The following AGMO variants were observed in gnomAD, a reference collection of about 807,000 sequenced individuals.
The protein encoded by AGMO is alkylglycerol monooxygenase.
In AGMO, 75 loss-of-function variants were observed where a neutral mutation model predicts 60.2. That is an observed-to-expected ratio of 1.25 (90% CI 1.03 to 1.51). The LOEUF (loss-of-function observed/expected upper bound fraction) is 1.51. Among genes scored for constraint, AGMO ranks in the 40% most tolerant of loss-of-function variants. The pLI is 0.00. For synonymous variants in AGMO, 261 were observed against 177.1 expected (o/e 1.47, Z -3.76); for missense variants, 763 against 525.5 (o/e 1.45, Z -4.42).
chr7:15,317,940 TACAC>T (rs112894307), intron 12 of AGMO, among the ~76,000 whole-genome samples: 14 of 140,484 alleles, frequency 1.0e-4, no homozygotes, highest in Admixed American at 4.3e-4. Context: ...TATATATATA[TACAC>T]ACACACACAC....
chr7:15,244,740 C>G (rs1583322691), intron 12 of AGMO, among the ~76,000 whole-genome samples: 1 of 152,118 alleles, frequency 6.6e-6, no homozygotes, highest in Non-Finnish European at 1.5e-5. Flanking sequence ...CAAGCTCCAC[C>G]TCCCGGGTTC....
At chr7:15,164,960 C>T in the AGMO span, among the ~76,000 whole-genome samples, 1 of 152,028 alleles carries the variant, frequency 6.6e-6, no homozygotes, top group Non-Finnish European at 1.5e-5. Flanking sequence ...GCACTATTCA[C>T]AATAGCAAAG....
At chr7:15,146,178 T>C in the AGMO span, among the ~76,000 whole-genome samples, 1 of 152,178 alleles carries the variant, frequency 6.6e-6, no homozygotes, top group South Asian at 2.1e-4. Context: ...ATTTGAAATA[T>C]AACCATTTAA....
At chr7:15,232,828 A>ACAC (rs1385058870) in intron 12 of AGMO, among the ~76,000 whole-genome samples, 7 of 93,808 alleles carry the variant, frequency 7.5e-5, no homozygotes, top group African/African-American at 2.3e-4. Context: ...CACACACACA[A>ACAC]AAACTAAAGA....
chr7:15,344,321 C>T (rs549721483), intron 12 of AGMO, among the ~76,000 whole-genome samples: 7 of 152,266 alleles, frequency 4.6e-5, no homozygotes, highest in South Asian at 2.1e-4. Context: ...GAGGTGCCAA[C>T]GCAGCTTATT....
rs1784349081 is a variant in AGMO at position 15,531,465 on chromosome 7, CTATATATATTCTCTATATATAT to C, written c.409+13285_409+13306del. Among the ~76,000 whole-genome samples the C allele has an allele frequency of 6.9e-4, 35 of 50,882 alleles. 9 individuals carry two copies. The highest frequency in any genetic ancestry group is 2.4e-3 in the South Asian group (4 of 1,658). The allele number at this position is 50,882 out of a possible 152,430, so 33.4% of individuals were successfully genotyped here. A position where few individuals can be genotyped will look rare whatever the true frequency, so the allele number is the denominator to read the frequency against. On this transcript the variant is annotated intron_variant, in intron 3 of 12. Transcript: ENST00000342526. ...TCTATATATATTCTCTATATATATT[CTATATATATTCTCTATATATAT>C]TCTATATATATTCTATATATATTCT...
In AGMO at chr7:15,244,248, A is replaced by C. The variant is rs530596799; in HGVS notation, c.1264-42889T>G. On this transcript the variant is annotated intron_variant, in intron 12 of 12. Coordinates refer to ENST00000342526, the MANE Select transcript of AGMO (RefSeq NM_001004320.2). ...ATTCTCAATGTGTCTACCTTTGTCCACTTGATTTTTAGAACCAGGTGATGA... is the reference window on the plus strand; with the variant it reads ...ATTCTCAATGTGTCTACCTTTGTCCCCTTGATTTTTAGAACCAGGTGATGA... Among the ~76,000 whole-genome samples the C allele has an allele frequency of 3.4e-4, 52 of 152,310 alleles. 2 individuals carry two copies. The highest frequency in any genetic ancestry group is 1.1e-3 in the African/African-American group (47 of 41,552).
chr7:15,155,215 C>A, the AGMO span, among the ~76,000 whole-genome samples: 1 of 152,054 alleles, frequency 6.6e-6, no homozygotes, highest in African/African-American at 2.4e-5. Flanking sequence ...ACTCTCTCTC[C>A]ATGTCTTTCA....
chr7:15,349,128 T>C (rs1038815093), intron 12 of AGMO, among the ~76,000 whole-genome samples: 14 of 152,128 alleles, frequency 9.2e-5, no homozygotes, highest in African/African-American at 3.1e-4. Context: ...TGGACAATAA[T>C]CATCTTGCTA....
At chr7:15,463,742 T>C (rs1192905677) in intron 3 of AGMO, among the ~76,000 whole-genome samples, 1 of 152,116 alleles carries the variant, frequency 6.6e-6, no homozygotes, top group Non-Finnish European at 1.5e-5. Context: ...GTAGCAAAAT[T>C]TGAGTTGAGC....
At chr7:15,427,767 G>A (rs1343031407) in intron 4 of AGMO, among the ~76,000 whole-genome samples, 1 of 152,012 alleles carries the variant, frequency 6.6e-6, no homozygotes, top group Non-Finnish European at 1.5e-5. Context: ...GATTGAAGTG[G>A]CATGCAAAAC....
At chr7:15,153,481 G>T in the AGMO span, among the ~76,000 whole-genome samples, 1 of 152,108 alleles carries the variant, frequency 6.6e-6, no homozygotes, top group Admixed American at 6.5e-5. Flanking sequence ...TGGGGTCTTA[G>T]ATTGAAGTCT....
At chr7:15,477,589 C>T (rs185570456) in intron 3 of AGMO, among the ~76,000 whole-genome samples, 3 of 152,232 alleles carry the variant, frequency 2.0e-5, no homozygotes, top group African/African-American at 7.2e-5. Context: ...CCAAATATTT[C>T]TGTGCAGCTT....
chr7:15,554,423 A>T (rs1347672144), intron 2 of AGMO, among the ~76,000 whole-genome samples: 1 of 152,072 alleles, frequency 6.6e-6, no homozygotes, highest in Non-Finnish European at 1.5e-5. Flanking sequence ...TAAGACCAGG[A>T]AAGTGATCTA....
intron 12 of AGMO, among the ~76,000 whole-genome samples, chr7:15,232,826 C>CACAA (rs930600939): frequency 4.0e-5 from 6 of 148,180 alleles, no homozygotes; most frequent in African/African-American, 1.5e-4. Flanking sequence ...CACACACACA[C>CACAA]AAAAACTAAA....
At chr7:15,508,325 A>G (rs1992025) in intron 3 of AGMO, among the ~76,000 whole-genome samples, 2 of 151,932 alleles carry the variant, frequency 1.3e-5, no homozygotes, top group Non-Finnish European at 2.9e-5. Context: ...AGTAAAAACA[A>G]TAACTTACAT....
At position 15,282,774 on chromosome 7, in the gene AGMO, C is replaced by T. The variant is rs188764821; in HGVS notation, c.1264-81415G>A. Among the ~76,000 whole-genome samples, 245 of 152,106 alleles carry T rather than the reference C, an allele frequency of 1.6e-3. 2 individuals are homozygous for T. The highest frequency in any genetic ancestry group is 2.6e-3 in the Non-Finnish European group (177 of 67,984). ...AGAGTCATTGCAAAAAGGACATCAC[C>T]GAAGCATATACTCATTGGGATTTCT... On this transcript the variant is annotated intron_variant, in intron 12 of 12. Transcript: ENST00000342526.
chr7:15,167,024 C>T, the AGMO span, among the ~76,000 whole-genome samples: 4 of 152,180 alleles, frequency 2.6e-5, no homozygotes, highest in African/African-American at 4.8e-5. Flanking sequence ...TTTTTTCCCA[C>T]ATTGGGAAAT....
intron 12 of AGMO, among the ~76,000 whole-genome samples, chr7:15,328,985 C>T (rs1245080279): frequency 1.3e-5 from 2 of 152,150 alleles, no homozygotes; most frequent in Admixed American, 6.5e-5. Flanking sequence ...GTATGGTTTG[C>T]TCCTTTACCT....
Sources: gnomAD v4.1 joint callset for allele counts (sites outside exome capture counted in the v4.1 genomes callset) on GRCh38, gnomAD v4.1.1 for gene constraint, MANE v1.5 for transcripts, NCBI Gene and HGNC (gene_info 2026-07-23, HGNC 2026-07-21) for gene names.